The following ACOT12 variants were observed in gnomAD, a reference collection of about 807,000 sequenced individuals.
The protein encoded by ACOT12 is acetyl-coenzyme A thioesterase.
A neutral mutation model predicts 67.7 loss-of-function variants in ACOT12; 51 were observed. That is an observed-to-expected ratio of 0.75 (90% CI 0.60 to 0.95). ACOT12 has a LOEUF of 0.95. Among genes scored for constraint, ACOT12 ranks in the 40% least tolerant of loss-of-function variants. ACOT12 has a pLI of 0.00. For missense variants in ACOT12, 734 were observed against 708.1 expected (o/e 1.04, Z -0.41); for synonymous variants, 251 against 244.6 (o/e 1.03, Z -0.24).
chr5:81,379,418 G>A (rs1038260298), intron 2 of ACOT12, among the ~76,000 whole-genome samples: 2 of 151,918 alleles, frequency 1.3e-5, no homozygotes, highest in Non-Finnish European at 1.5e-5. Context: ...ACCATGGCAC[G>A]TGTATACCTA....
rs371159125 is a variant in ACOT12 at position 81,344,196 on chromosome 5, C to G, written c.944G>C (p.Arg315Pro). 1.9e-6 allele frequency: 3 copies of G among 1,613,184 alleles called. No individual in the cohort carries two copies. Among genetic ancestry groups the G allele is most frequent in the East Asian group, 2.2e-5 (1 of 44,876 alleles). Residue 315 changes from arginine to proline, a missense_variant, in exon 9 of 15, where the codon CGG becomes CCG. Physicochemically the swap from Arg to Pro is moderately radical, Grantham distance 103. Coordinates refer to ENST00000307624, the MANE Select transcript of ACOT12 (RefSeq NM_130767.3). ...AATTCGCTTGCGTGCAATAGCTCCC[C>G]GATAGCGTCTGAAATCATCCTTTAA... is the stretch of plus-strand genomic sequence containing the variant. ...PISKDDFRRY[R>P]GAIARKRIRL...
At chr5:81,366,606 A>G (rs997477872) in intron 3 of ACOT12, among the ~76,000 whole-genome samples, 3 of 152,198 alleles carry the variant, frequency 2.0e-5, no homozygotes, top group South Asian at 2.1e-4. Flanking sequence ...TGTACTACAA[A>G]AAATTTTTAT....
chr5:81,380,416 T>G (rs1004132649), intron 2 of ACOT12, among the ~76,000 whole-genome samples: 1 of 151,824 alleles, frequency 6.6e-6, no homozygotes, highest in African/African-American at 2.4e-5. Context: ...ATTCAAAAAT[T>G]AGCTGTGTGT....
At chr5:81,360,741 G>T (rs1759879541) in intron 4 of ACOT12, among the ~76,000 whole-genome samples, 1 of 152,110 alleles carries the variant, frequency 6.6e-6, no homozygotes, top group Non-Finnish European at 1.5e-5. Context: ...GTCTGGTACG[G>T]ACCCTTGGCC....
rs201666532 is a variant in ACOT12, at chr5:81,353,090, CCTT to C, written c.497-5163_497-5161del. On this transcript the variant is annotated intron_variant, in intron 5 of 14. Transcript: ENST00000307624. Reference sequence around the variant, plus strand: ...GTAAAGACTCAAATATAAAGCAGCTCCTTCTTTTCTGAGGGATAACTTTAAAGA... The same window carrying C: ...GTAAAGACTCAAATATAAAGCAGCTCCTTTTCTGAGGGATAACTTTAAAGA... Among the ~76,000 whole-genome samples, 744 of 152,232 alleles carry C rather than the reference CCTT, an allele frequency of 4.9e-3. 3 individuals carry two copies. Among genetic ancestry groups the C allele is most frequent in the African/African-American group, 0.016 (676 of 41,550 alleles).
chr5:81,381,370 G>A (rs1363808464), intron 2 of ACOT12, among the ~76,000 whole-genome samples: 1 of 151,924 alleles, frequency 6.6e-6, no homozygotes, highest in Non-Finnish European at 1.5e-5. Flanking sequence ...CACCCGGCCA[G>A]TATTAAAATC....
rs577169227 is a variant in ACOT12, at chr5:81,373,905, G to A, written c.198-2095C>T. 5.9e-5 allele frequency among the ~76,000 whole-genome samples: 9 copies of A among 152,294 alleles called. No homozygotes were observed. In the South Asian group the frequency reaches 6.2e-4, roughly 11 times the overall value. On this transcript the variant is annotated intron_variant, in intron 2 of 14. Transcript: ENST00000307624. Reference sequence around the variant, plus strand: ...CATGGGGGAAGGGGTGGCTATGGGCGCAGCTTCAGCAGACTTAAATGTCCC... The same window carrying A: ...CATGGGGGAAGGGGTGGCTATGGGCACAGCTTCAGCAGACTTAAATGTCCC...
chr5:81,317,118 C>G, the ACOT12 span, among the ~76,000 whole-genome samples: 1 of 152,004 alleles, frequency 6.6e-6, no homozygotes, highest in Non-Finnish European at 1.5e-5. Flanking sequence ...TCTTTGATGT[C>G]ACACCTAGGA....
the ACOT12 span, among the ~76,000 whole-genome samples, chr5:81,317,043 A>C: frequency 6.6e-6 from 1 of 152,158 alleles, no homozygotes; most frequent in Non-Finnish European, 1.5e-5. Flanking sequence ...AGGCACAAAA[A>C]TTTTAAATTT....
the ACOT12 span, among the ~76,000 whole-genome samples, chr5:81,310,472 T>TG: frequency 6.6e-6 from 1 of 151,942 alleles, no homozygotes; most frequent in African/African-American, 2.4e-5. Flanking sequence ...AGTCAAGATT[T>TG]GGGGGAAAAA....
chr5:81,393,978 G>A lies in ACOT12; in HGVS notation c.127+10C>T. The A allele has an allele frequency of 7.5e-7, 1 of 1,339,054 alleles. No homozygotes were observed. The allele number at this position is 1,339,054 out of a possible 1,614,324, so 82.9% of individuals were successfully genotyped here. ...TCCCGCGCCTCCCCGCAGCCCCGGCGCCCGCCTACCCGCCAGGCAGGCGGT... is the reference window on the plus strand; with the variant it reads ...TCCCGCGCCTCCCCGCAGCCCCGGCACCCGCCTACCCGCCAGGCAGGCGGT... On this transcript the variant is annotated intron_variant, in intron 1 of 14. Transcript: ENST00000307624.
intron 2 of ACOT12, among the ~76,000 whole-genome samples, chr5:81,384,420 G>A (rs758226430): frequency 1.2e-4 from 18 of 151,998 alleles, no homozygotes; most frequent in Non-Finnish European, 2.6e-4. Flanking sequence ...TTACAGGTGT[G>A]AGCCACCACG....
At chr5:81,377,589 C>T (rs1478372575) in intron 2 of ACOT12, among the ~76,000 whole-genome samples, 15 of 152,174 alleles carry the variant, frequency 9.9e-5, no homozygotes. Flanking sequence ...ATTTAGAAAA[C>T]CCCATCTTCT....
the ACOT12 span, among the ~76,000 whole-genome samples, chr5:81,310,780 T>C: frequency 6.6e-6 from 1 of 152,200 alleles, no homozygotes; most frequent in Non-Finnish European, 1.5e-5. Flanking sequence ...AGTAGAACAG[T>C]AGTTTCTAAT....
chr5:81,337,302 C>A (rs1357796728), intron 11 of ACOT12, among the ~76,000 whole-genome samples: 1 of 152,184 alleles, frequency 6.6e-6, no homozygotes, highest in Non-Finnish European at 1.5e-5. Context: ...CTTGGGGCAG[C>A]CATGCTCCAT....
At chr5:81,314,260 A>C in the ACOT12 span, among the ~76,000 whole-genome samples, 1 of 152,018 alleles carries the variant, frequency 6.6e-6, no homozygotes, top group Non-Finnish European at 1.5e-5. Flanking sequence ...ACGCACCACC[A>C]CACCCCGCTA....
intron 3 of ACOT12, 58 bp downstream of exon 3, chr5:81,371,692 T>G: frequency 1.3e-6 from 2 of 1,535,068 alleles, no homozygotes; most frequent in Non-Finnish European, 1.8e-6. Flanking sequence ...GCTCTACCCT[T>G]TGTAAACAAT....
intron 11 of ACOT12, among the ~76,000 whole-genome samples, chr5:81,341,766 A>T (rs753276244): frequency 2.6e-5 from 4 of 152,162 alleles, no homozygotes; most frequent in Non-Finnish European, 5.9e-5. Flanking sequence ...GATCCAAATG[A>T]TGTATGTCTC....
chr5:81,336,511 C>T (rs1252558124), intron 11 of ACOT12, among the ~76,000 whole-genome samples: 1 of 152,148 alleles, frequency 6.6e-6, no homozygotes, highest in Non-Finnish European at 1.5e-5. Context: ...TCCTGGTTTC[C>T]TAATGCACAT....
Sources: allele counts gnomAD v4.1 joint callset (sites outside exome capture counted in the v4.1 genomes callset), GRCh38; gene constraint gnomAD v4.1.1; transcripts MANE v1.5; gene names NCBI Gene and HGNC (gene_info 2026-07-23, HGNC 2026-07-21).